The following DLAT variants were observed in gnomAD, a reference collection of about 807,000 sequenced individuals.
DLAT encodes the protein dihydrolipoyllysine-residue acetyltransferase component of pyruvate dehydrogenase complex, mitochondrial.
In DLAT, 43 loss-of-function variants were observed where a neutral mutation model predicts 68.0. The observed-to-expected ratio is 0.63, with a 90% CI of 0.50 to 0.81. The LOEUF is 0.81. DLAT is among the 40% of genes least tolerant of loss of function. The pLI is 0.00. For missense variants in DLAT, 745 were observed against 815.4 expected (o/e 0.91, Z 1.05); for synonymous variants, 265 against 288.6 (o/e 0.92, Z 0.83).
At chr11:112,038,233 C>T (rs1555180723) in intron 6 of DLAT, among the ~76,000 whole-genome samples, 1 of 152,048 alleles carries the variant, frequency 6.6e-6, no homozygotes, top group African/African-American at 2.4e-5. Context: ...GAGTCTTGCT[C>T]CGTCACCCAG....
chr11:112,061,422 G>T (rs938807231), intron 13 of DLAT: 1 of 454,148 alleles, frequency 2.2e-6, no homozygotes, highest in Non-Finnish European at 4.0e-6. Context: ...CCAGTGTAGT[G>T]CCCGGTGTGC....
rs587603674 is a variant in DLAT at position 112,060,119 on chromosome 11, G to T, written c.1677+54G>T. On this transcript the variant is annotated intron_variant, in intron 12 of 13. Transcript: ENST00000280346. ...ATGTTATTTTTAAGGTTTGCATAAT[G>T]CATTTATTGCATTTTTCACCTTTTG... 417 of 1,400,306 alleles carry T rather than the reference G, an allele frequency of 3.0e-4. 3 individuals are homozygous for T. In the South Asian group the frequency reaches 4.1e-3, roughly 14 times the overall value. 86.7% of individuals were successfully genotyped at this position (1,400,306 alleles called of 1,614,324 possible).
At chr11:112,059,292 G>A (rs1864364364) in intron 11 of DLAT, among the ~76,000 whole-genome samples, 1 of 152,010 alleles carries the variant, frequency 6.6e-6, no homozygotes, top group African/African-American at 2.4e-5. Flanking sequence ...CAAGGCAGAC[G>A]GCAGGGGATG....
chr11:112,025,492 G>A lies in DLAT; in HGVS notation c.20G>A (p.Arg7Gln). 3.7e-6 allele frequency: 6 copies of A among 1,613,552 alleles called. No individual in the cohort carries two copies. Among genetic ancestry groups the A allele is most frequent in the Non-Finnish European group, 5.1e-6 (6 of 1,179,912 alleles). The change falls in exon 1 of 14, where the codon CGA (arginine) becomes CAA (glutamine). Residue 7 changes from arginine (R) to glutamine (Q), a missense_variant. Coordinates refer to ENST00000280346, the MANE Select transcript of DLAT (RefSeq NM_001931.5). The part of the protein sequence containing the change: MWRVCA[R>Q]RAQNVAPWAG... ...GGCACTATGTGGCGCGTCTGTGCGC[G>A]ACGGGCTCAGAATGTAGCCCCATGG...
intron 11 of DLAT, among the ~76,000 whole-genome samples, chr11:112,056,639 AT>A (rs34169957): frequency 0.31 from 46,958 of 152,062 alleles, 8,236 homozygotes; most frequent in East Asian, 0.58. Flanking sequence ...GAGTATTTAC[AT>A]ACAGTTATTT....
At position 112,037,380 on chromosome 11, in the gene DLAT, GAT is replaced by G; in HGVS notation, c.900_901del (p.Ala302IlefsTer3). On this transcript the variant is annotated frameshift_variant, in exon 6 of 14. Coordinates refer to ENST00000280346, the MANE Select transcript of DLAT (RefSeq NM_001931.5). LOFTEE classifies it high-confidence loss of function. ...CTGTATCATTGTAGAAAAAGAGGCA[GAT>G]ATATCAGCATTTGCTGACTATAGGC... ...PLCIIVEKEADISAFADYRPT... is the reference protein window; with the variant it reads ...PLCIIVEKEAXISAFADYRPT... 1 of 1,614,182 alleles carries G rather than the reference GAT, an allele frequency of 6.2e-7. No homozygotes were observed. Among genetic ancestry groups the G allele is most frequent in the Non-Finnish European group, 8.5e-7 (1 of 1,180,022 alleles).
At position 112,062,428 on chromosome 11, in the gene DLAT, TCTGTTA is replaced by T; in HGVS notation, c.1839_1844del (p.Val614_Thr615del). On this transcript the variant is annotated inframe_deletion, in exon 14 of 14. Coordinates refer to ENST00000280346, the MANE Select transcript of DLAT (RefSeq NM_001931.5). ...TAGGTTTGATGTGGCTAGCATGATGTCTGTTACACTCAGTTGTGATCACCGGGTGGT... is the reference window on the plus strand; with the variant it reads ...TAGGTTTGATGTGGCTAGCATGATGTCACTCAGTTGTGATCACCGGGTGGT... 1 of 1,612,610 alleles carries T rather than the reference TCTGTTA, an allele frequency of 6.2e-7. No individual in the cohort carries two copies. Among genetic ancestry groups the T allele is most frequent in the Non-Finnish European group, 8.5e-7 (1 of 1,180,008 alleles).
intron 4 of DLAT, among the ~76,000 whole-genome samples, chr11:112,031,301 G>A (rs1862379489): frequency 6.6e-6 from 1 of 152,184 alleles, no homozygotes; most frequent in Non-Finnish European, 1.5e-5. Flanking sequence ...GGATACACAA[G>A]CCATATAAAT....
chr11:112,056,395 T>C (rs1339147538), intron 11 of DLAT, among the ~76,000 whole-genome samples: 2 of 152,224 alleles, frequency 1.3e-5, no homozygotes, highest in Admixed American at 6.5e-5. Flanking sequence ...CTTGAGTCTA[T>C]AGATTTGTAT....
In DLAT at chr11:112,045,196, T is replaced by C. The variant is rs1555181356; in HGVS notation, c.1256T>C (p.Val419Ala). 3 of 1,613,994 alleles carry C rather than the reference T, an allele frequency of 1.9e-6. No homozygotes were observed. The highest frequency in any genetic ancestry group is 2.5e-6 in the Non-Finnish European group (3 of 1,180,014). ...GGAATGGCACCAGTTCCTACAGGTG[T>C]CTTCACAGATATCCCAATCAGCAAC... ...GPGMAPVPTG[V>A]FTDIPISNIR... The change falls in exon 9 of 14, where the codon GTC (valine) becomes GCC (alanine). Residue 419 changes from valine (V) to alanine (A), a missense_variant. By Grantham distance (64) the Val-to-Ala change is moderately conservative. Transcript: ENST00000280346.
At chr11:112,030,026 G>T in intron 4 of DLAT, 1 of 1,013,474 alleles carries the variant, frequency 9.9e-7, no homozygotes, top group Non-Finnish European at 1.5e-6. Context: ...TGGGACCGCT[G>T]TTTGCCGTGG....
rs782646360 is a variant in DLAT at position 112,025,763 on chromosome 11, A to AC, written c.279+18dup. The AC allele has an allele frequency of 5.8e-5, 93 of 1,611,684 alleles. No homozygotes were observed. Among genetic ancestry groups the AC allele is most frequent in the Non-Finnish European group, 7.4e-5 (87 of 1,179,648 alleles). On this transcript the variant is annotated intron_variant, in intron 1 of 13. Coordinates refer to ENST00000280346, the MANE Select transcript of DLAT (RefSeq NM_001931.5). ...CCCCGCATCAGAAGGTGAGCCCTAG[A>AC]CCCCCCTTCTCGGGACCCCGTTGTC...
At chr11:112,044,579 CAA>C (rs1243467645) in intron 8 of DLAT, among the ~76,000 whole-genome samples, 1 of 151,972 alleles carries the variant, frequency 6.6e-6, no homozygotes, top group African/African-American at 2.4e-5. Context: ...TTTGCAAAAA[CAA>C]AATTATTTTG....
At chr11:112,030,394 G>A in intron 4 of DLAT, 1 of 415,092 alleles carries the variant, frequency 2.4e-6, no homozygotes, top group South Asian at 2.0e-5. Context: ...CGGAAGTCGG[G>A]GGATCATATT....
At position 112,059,879 on chromosome 11, in the gene DLAT, ATATT is replaced by A. The variant is rs782000231; in HGVS notation, c.1515-18_1515-15del. 3.2e-6 allele frequency: 5 copies of A among 1,542,978 alleles called. No homozygotes were observed. Among genetic ancestry groups the A allele is most frequent in the South Asian group, 1.2e-5 (1 of 83,074 alleles). On this transcript the variant is annotated intron_variant, in intron 11 of 13. Coordinates refer to ENST00000280346, the MANE Select transcript of DLAT (RefSeq NM_001931.5). ...GGCTCTTAATAAACAGTTTTTTATTATATTTATTTTTCTTTTTAAACAGAAATCA... is the reference window on the plus strand; with the variant it reads ...GGCTCTTAATAAACAGTTTTTTATTATATTTTTCTTTTTAAACAGAAATCA...
chr11:112,054,707 C>G lies in DLAT; in HGVS notation c.1514+3358C>G, dbSNP rs587761029. On this transcript the variant is annotated intron_variant, in intron 11 of 13. Transcript: ENST00000280346. The stretch of plus-strand genomic sequence containing the variant: ...TTCCAGGGCTGCCATTATTAATGAC[C>G]ACAAAGTTGATGGATTAAAACAAAT... Among the ~76,000 whole-genome samples, 32 of 152,208 alleles carry G rather than the reference C, an allele frequency of 2.1e-4. No homozygotes were observed. The South Asian group carries it at 6.6e-3, about 32-fold the overall frequency.
At chr11:112,030,805 T>G (rs186471115) in intron 4 of DLAT, among the ~76,000 whole-genome samples, 12 of 152,346 alleles carry the variant, frequency 7.9e-5, no homozygotes, top group Admixed American at 7.2e-4. Flanking sequence ...AGTTTATTTG[T>G]AGAAATTTTT....
At chr11:112,030,060 C>G (rs1862312089) in intron 4 of DLAT, 1 of 947,438 alleles carries the variant, frequency 1.1e-6, no homozygotes, top group African/African-American at 1.6e-5. Context: ...AGCTGAGTGT[C>G]TAAGTTTAAA....
Position 112,039,273 on chromosome 11 carries a change from T to C in DLAT, c.1005T>C (p.Pro335=). 1.2e-6 allele frequency: 2 copies of C among 1,614,116 alleles called. No individual in the cohort carries two copies. Among genetic ancestry groups the C allele is most frequent in the Non-Finnish European group, 1.7e-6 (2 of 1,180,008 alleles). ...PVAAVPPTPQ[P]LAPTPSAPCP... Reference sequence around the variant, plus strand: ...CCGCTGTTCCTCCAACTCCCCAGCCTTTAGCTCCTACACCTTCAGCACCCT... The same window carrying C: ...CCGCTGTTCCTCCAACTCCCCAGCCCTTAGCTCCTACACCTTCAGCACCCT... Residue 335 remains proline (P), a synonymous_variant, in exon 7 of 14, where the codon CCT becomes CCC. Coordinates refer to ENST00000280346, the MANE Select transcript of DLAT (RefSeq NM_001931.5).
Sources: gnomAD v4.1 joint callset for allele counts (sites outside exome capture counted in the v4.1 genomes callset) on GRCh38, gnomAD v4.1.1 for gene constraint, MANE v1.5 for transcripts, NCBI Gene and HGNC (gene_info 2026-07-23, HGNC 2026-07-21) for gene names.